ADGRG2: variants seen among roughly 807,000 people sequenced by gnomAD.
The protein encoded by ADGRG2 is G protein-coupled receptor 64.
In ADGRG2, 26 loss-of-function variants were observed where a neutral mutation model predicts 74.1. That is an observed-to-expected ratio of 0.35 (90% CI 0.26 to 0.49). The LOEUF is 0.49. ADGRG2 is among the 20% of genes least tolerant of loss of function. The pLI is 0.99. For synonymous variants in ADGRG2, 296 were observed against 295.2 expected (o/e 1.00, Z -0.03); for missense variants, 619 against 763.1 (o/e 0.81, Z 2.22).
Position 19,013,681 on chromosome X carries a change from T to G in ADGRG2, c.1099+5A>C, listed in dbSNP as rs371349462. The G allele has an allele frequency of 7.0e-5, 82 of 1,169,971 alleles. No homozygotes were observed. The East Asian group carries it at 1.8e-3, about 26-fold the overall frequency. ...CAGATTGGCCGCTGTTCAAGTGACA[T>G]TTACCTGTCTGGACAGGAGGTGCGC... On this transcript the variant is annotated splice_donor_5th_base_variant and intron_variant, in intron 16 of 28. Transcript: ENST00000379869.
chrX:19,049,812 C>T (rs748354661), intron 3 of ADGRG2, among the ~76,000 whole-genome samples: 1 of 111,345 alleles, frequency 9.0e-6, no homozygotes, highest in East Asian at 2.8e-4. Flanking sequence ...CCCAACTCCA[C>T]TAGTGTCTAG....
chrX:19,012,248 A>G (rs2060372006), intron 16 of ADGRG2, among the ~76,000 whole-genome samples: 1 of 111,541 alleles, frequency 9.0e-6, no homozygotes, highest in Non-Finnish European at 1.9e-5. Flanking sequence ...CTCAATCTGT[A>G]TCTTTTATGA....
chrX:19,041,198 T>C (rs1222102252), intron 3 of ADGRG2, among the ~76,000 whole-genome samples: 1 of 112,059 alleles, frequency 8.9e-6, no homozygotes, highest in Non-Finnish European at 1.9e-5. Flanking sequence ...TATTTATCTA[T>C]ATAACAAATT....
intron 1 of ADGRG2, among the ~76,000 whole-genome samples, chrX:19,101,004 A>G (rs2062178472): frequency 8.9e-6 from 1 of 112,539 alleles, no homozygotes; most frequent in Admixed American, 9.5e-5. Flanking sequence ...AACAATTTCC[A>G]AAGTTAAGTG....
At chrX:19,080,953 C>T (rs760996796) in intron 2 of ADGRG2, among the ~76,000 whole-genome samples, 1 of 109,302 alleles carries the variant, frequency 9.1e-6, no homozygotes, top group Admixed American at 1.0e-4. Context: ...ATCTAGTTGA[C>T]GAATGTTTAT....
At chrX:19,004,735 A>G (rs752537701) in intron 23 of ADGRG2, 23 bp downstream of exon 23, 35 of 1,200,527 alleles carry the variant, frequency 2.9e-5, no homozygotes, top group Non-Finnish European at 3.8e-5. Flanking sequence ...CCTAAATCCA[A>G]ATTTCCGGTT....
chrX:19,015,778 T>A (rs182985738), intron 15 of ADGRG2, among the ~76,000 whole-genome samples: 73 of 112,164 alleles, frequency 6.5e-4, no homozygotes, highest in African/African-American at 2.2e-3. Flanking sequence ...TCACTACTCC[T>A]GTGGACAATT....
intron 1 of ADGRG2, among the ~76,000 whole-genome samples, chrX:19,107,596 T>C (rs1206325882): frequency 1.8e-5 from 2 of 108,898 alleles, no homozygotes; most frequent in African/African-American, 6.7e-5. Flanking sequence ...TACCTCTATA[T>C]CTGCAAAACA....
In ADGRG2 at chrX:19,037,594, G is replaced by T. The variant is rs780628496; in HGVS notation, c.197C>A (p.Thr66Asn). ...AAATTTTTTCAAAATCTTGCCTGGA[G>T]TACCATTGGAGGAGGGGGCAAAACT... is the stretch of plus-strand genomic sequence containing the variant. ...VVSFAPSSNG[T>N]PEVETTSLND... Residue 66 changes from threonine (T) to asparagine (N), a missense_variant, in exon 5 of 29, where the codon ACT becomes AAT. By Grantham distance (65) the Thr-to-Asn change is moderately conservative (BLOSUM62 0). This residue lies in a region of ADGRG2 where 292 missense variants were observed against 318.0 expected (regional missense o/e 0.92). Coordinates refer to ENST00000379869, the MANE Select transcript of ADGRG2 (RefSeq NM_001079858.3). 3 of 1,165,913 alleles carry T rather than the reference G, an allele frequency of 2.6e-6. No homozygotes were observed. The East Asian group carries it at 9.2e-5, about 36-fold the overall frequency.
chrX:19,028,653 T>TA (rs34651294), intron 9 of ADGRG2, among the ~76,000 whole-genome samples: 125 of 99,431 alleles, frequency 1.3e-3, no homozygotes, highest in African/African-American at 3.6e-3. Flanking sequence ...ACTGATGAGC[T>TA]AAAAAAAAAA....
chrX:19,036,086 A>T (rs2060934619), intron 6 of ADGRG2, 109 bp from the exon 7 acceptor site: 5 of 417,347 alleles, frequency 1.2e-5, no homozygotes, highest in Non-Finnish European at 2.0e-5. Flanking sequence ...GGGAGAAGTT[A>T]GTTTTGCAAA....
intron 1 of ADGRG2, among the ~76,000 whole-genome samples, chrX:19,098,402 A>C (rs1218434193): frequency 8.9e-6 from 1 of 112,234 alleles, no homozygotes; most frequent in African/African-American, 3.2e-5. Context: ...TGTATTCTTG[A>C]TACACAGCAA....
At position 19,028,183 on chromosome X, in the gene ADGRG2, C is replaced by T; in HGVS notation, c.414G>A (p.Gln138=). 2 of 1,041,871 alleles carry T rather than the reference C, an allele frequency of 1.9e-6. No individual in the cohort carries two copies. Among genetic ancestry groups the T allele is most frequent in the Non-Finnish European group, 2.7e-6 (2 of 751,230 alleles). The allele number at this position is 1,041,871 out of a possible 1,213,427, so 85.9% of individuals were successfully genotyped here. Residue 138 remains glutamine, a splice_region_variant and synonymous_variant, in exon 10 of 29, where the codon CAG becomes CAA. Coordinates refer to ENST00000379869, the MANE Select transcript of ADGRG2 (RefSeq NM_001079858.3). The part of the protein sequence containing the change: ...FQYDKESTVP[Q]NQHITNGTLT... ...AGTAAAAAAAATCTTTAAAACTTAC[C>T]TGGGGAACAGTGCTTTCTTTATCAT...
At chrX:19,086,111 C>G (rs1357429167) in intron 1 of ADGRG2, among the ~76,000 whole-genome samples, 1 of 111,794 alleles carries the variant, frequency 8.9e-6, no homozygotes, top group Non-Finnish European at 1.9e-5. Context: ...GTCCACAGAT[C>G]CCTCCTTGCC....
intron 1 of ADGRG2, among the ~76,000 whole-genome samples, chrX:19,090,163 C>T (rs2061995667): frequency 8.9e-6 from 1 of 111,758 alleles, no homozygotes; most frequent in Admixed American, 9.6e-5. Flanking sequence ...CCTCTGGAAC[C>T]CACATAAGCA....
At chrX:19,045,375 T>G (rs1167560125) in intron 3 of ADGRG2, among the ~76,000 whole-genome samples, 1 of 107,233 alleles carries the variant, frequency 9.3e-6, no homozygotes. Context: ...TGGCGCAATC[T>G]CGGCTCACTG....
At chrX:19,040,736 G>C (rs1328015066) in intron 3 of ADGRG2, among the ~76,000 whole-genome samples, 2 of 111,717 alleles carry the variant, frequency 1.8e-5, no homozygotes, top group Non-Finnish European at 1.9e-5. Context: ...TAAACTACAA[G>C]AGCTGCTGAG....
At chrX:19,074,441 T>C (rs2061704126) in intron 2 of ADGRG2, among the ~76,000 whole-genome samples, 1 of 64,474 alleles carries the variant, frequency 1.6e-5, no homozygotes, top group Non-Finnish European at 2.9e-5. Flanking sequence ...AGTTTTACCA[T>C]GTTGCCTAGG....
chrX:19,041,373 C>G (rs2061059769), intron 3 of ADGRG2, among the ~76,000 whole-genome samples: 1 of 111,966 alleles, frequency 8.9e-6, no homozygotes, highest in South Asian at 3.7e-4. Flanking sequence ...CCAATTTATA[C>G]TACCCTTTAG....
Sources: allele counts gnomAD v4.1 joint callset (sites outside exome capture counted in the v4.1 genomes callset), GRCh38; gene constraint gnomAD v4.1.1; regional missense constraint gnomAD v4.1.1; transcripts MANE v1.5; gene names NCBI Gene and HGNC (gene_info 2026-07-23, HGNC 2026-07-21).